Variants in DNAH2 observed in about 807,000 individuals in gnomAD.
The protein encoded by DNAH2 is dynein axonemal heavy chain 2, also known as axonemal beta dynein heavy chain 2.
Under a neutral mutation model 523.5 loss-of-function variants are expected in DNAH2, and 323 were observed. That is an observed-to-expected ratio of 0.62 (90% CI 0.56 to 0.68). The LOEUF (loss-of-function observed/expected upper bound fraction) is 0.68, where lower values mean the gene tolerates loss of function less well. DNAH2 is among the 30% of genes least tolerant of loss of function. The pLI is 0.00. For synonymous variants in DNAH2, 2,093 were observed against 2,177.4 expected (o/e 0.96, Z 1.08); for missense variants, 4,907 against 5,701.5 (o/e 0.86, Z 4.49).
At chr17:7,764,347 C>T (rs1465881010) in intron 20 of DNAH2, 74 bp downstream of exon 20, 19 of 1,526,528 alleles carry the variant, frequency 1.2e-5, no homozygotes, top group Non-Finnish European at 1.7e-5. Context: ...CTTGGCTGTC[C>T]TCGGGGAGAG....
intron 11 of DNAH2, 48 bp from the exon 12 acceptor site, chr17:7,742,880 G>GTATCATTAAAA: frequency 1.6e-6 from 2 of 1,271,338 alleles, no homozygotes; most frequent in Non-Finnish European, 1.0e-6. Context: ...GTGGCCCCTG[G>GTATCATTAAAA]AGGAAGGTGG....
rs778068486 is a variant in DNAH2 at position 7,793,203 on chromosome 17, C to T, written c.7567C>T (p.Arg2523Ter). The T allele has an allele frequency of 6.8e-6, 11 of 1,612,952 alleles. No homozygotes were observed. The highest frequency in any genetic ancestry group is 1.1e-5 in the South Asian group (1 of 91,024). Residue 2523 changes from arginine to a stop codon, truncating the protein, a stop_gained and splice_region_variant, in exon 48 of 86, where the codon CGA becomes TGA. Transcript: ENST00000572933. LOFTEE classifies it high-confidence loss of function. The stretch of plus-strand genomic sequence containing the variant: ...TACGAAGCAGACCATCAAGTACATT[C>T]GAGTAAGCCTCGCTAGAGTCTGTTC... ...DRTKQTIKYIREMFLMAAMGP... is the reference protein window; with the variant it reads ...DRTKQTIKYI
intron 77 of DNAH2, among the ~76,000 whole-genome samples, chr17:7,826,973 T>A (rs1001078358): frequency 1.3e-5 from 2 of 152,170 alleles, no homozygotes; most frequent in Non-Finnish European, 2.9e-5. Flanking sequence ...ATTTTCTTTA[T>A]AATGTTTTTC....
In DNAH2 at chr17:7,797,768, T is replaced by C; in HGVS notation, c.8169T>C (p.Tyr2723=). The C allele has an allele frequency of 3.1e-6, 5 of 1,614,088 alleles. No individual in the cohort carries two copies. Among genetic ancestry groups the C allele is most frequent in the Non-Finnish European group, 4.2e-6 (5 of 1,180,016 alleles). ...KTVMETALNE[Y]NLSPSVVPMQ... Reference sequence around the variant, plus strand: ...TCATGGAGACAGCTCTAAATGAGTATAACCTGTCACCCTCTGTCGTGCCCA... The same window carrying C: ...TCATGGAGACAGCTCTAAATGAGTACAACCTGTCACCCTCTGTCGTGCCCA... The change falls in exon 53 of 86, where the codon TAT becomes TAC. Residue 2723 remains tyrosine (Y), a synonymous_variant. Transcript: ENST00000572933.
rs573901860 is a variant in DNAH2 at position 7,798,001 on chromosome 17, A to C, written c.8231-156A>C. ...TTTAACAGAGAAGGTGGAGGTTAAAAGTTGAATTGCCTCCTGGGCCTTGGG... is the reference window on the plus strand; with the variant it reads ...TTTAACAGAGAAGGTGGAGGTTAAACGTTGAATTGCCTCCTGGGCCTTGGG... On this transcript the variant is annotated intron_variant, in intron 53 of 85. Coordinates refer to ENST00000572933, the MANE Select transcript of DNAH2 (RefSeq NM_020877.5). This position sits in a 1 kb window ranked among gnomAD's most constrained non-coding sequence, Gnocchi z 5.5. 2.6e-5 allele frequency among the ~76,000 whole-genome samples: 4 copies of C among 152,306 alleles called. No individual in the cohort carries two copies. Among genetic ancestry groups the C allele is most frequent in the Admixed American group, 2.6e-4 (4 of 15,292 alleles).
At position 7,797,811 on chromosome 17, in the gene DNAH2, C is replaced by T. The variant is rs1332489191; in HGVS notation, c.8212C>T (p.Arg2738Ter). The T allele has an allele frequency of 1.3e-5, 21 of 1,612,438 alleles. No individual in the cohort carries two copies. The highest frequency in any genetic ancestry group is 5.3e-5 in the African/African-American group (4 of 74,900). ...SVVPMQLVLFREAIEHITRIV... is the reference protein window; with the variant it reads ...SVVPMQLVLF ...CGTGCCCATGCAGCTAGTGCTCTTC[C>T]GAGAGGCTATTGAACACAGTGAGCA... The change falls in exon 53 of 86, where the codon CGA becomes TGA. Residue 2738 changes from arginine to a stop codon, truncating the protein, a stop_gained. Transcript: ENST00000572933. LOFTEE classifies it high-confidence loss of function.
intron 2 of DNAH2, among the ~76,000 whole-genome samples, chr17:7,722,964 CTT>C (rs559136734): frequency 0.046 from 5,196 of 114,096 alleles, 104 homozygotes; most frequent in African/African-American, 0.14. Context: ...CTTTTCTTTC[CTT>C]TTTTTTTTTT....
intron 10 of DNAH2, 51 bp downstream of exon 10, chr17:7,740,600 G>A (rs1252275741): frequency 6.2e-7 from 1 of 1,602,384 alleles, no homozygotes; most frequent in Non-Finnish European, 8.5e-7. Flanking sequence ...TGCTTTCCTG[G>A]AGTCCCTCCT....
intron 4 of DNAH2, 68 bp downstream of exon 4, chr17:7,727,360 C>A: frequency 6.4e-7 from 1 of 1,553,116 alleles, no homozygotes; most frequent in Non-Finnish European, 8.7e-7. Flanking sequence ...GTTCCTTCAT[C>A]ATCCTTAAGT....
At chr17:7,768,466 G>A (rs749769767) in intron 24 of DNAH2, among the ~76,000 whole-genome samples, 199 bp downstream of exon 24, 1 of 152,174 alleles carries the variant, frequency 6.6e-6, no homozygotes, top group African/African-American at 2.4e-5. Flanking sequence ...TTGGTGTACA[G>A]CATAATGTTT....
intron 14 of DNAH2, 60 bp downstream of exon 14, chr17:7,758,711 G>A (rs897479611): frequency 6.3e-7 from 1 of 1,575,162 alleles, no homozygotes; most frequent in African/African-American, 1.4e-5. Flanking sequence ...TTATACCTGA[G>A]TGTTGCATAG....
intron 11 of DNAH2, among the ~76,000 whole-genome samples, chr17:7,741,706 C>G (rs2034781207): frequency 6.7e-6 from 1 of 149,348 alleles, no homozygotes; most frequent in Admixed American, 6.8e-5. Context: ...CTCTTGTTGC[C>G]CAGGCTGGAG....
chr17:7,820,186 C>T (rs552796320), intron 72 of DNAH2, among the ~76,000 whole-genome samples: 4 of 152,266 alleles, frequency 2.6e-5, no homozygotes, highest in East Asian at 1.9e-4. Context: ...TGCAACTGTT[C>T]CCTCCCCATC....
rs148588175 is a variant in DNAH2 at position 7,796,487 on chromosome 17, C to T, written c.7698C>T (p.Phe2566=). Residue 2566 remains phenylalanine, a synonymous_variant, in exon 50 of 86, where the codon TTC becomes TTT. Transcript: ENST00000572933. ...FPTKSQIIRI[F]GTMINQKLQD... The stretch of plus-strand genomic sequence containing the variant: ...AGAAGTCCCAGATCATCCGCATATT[C>T]GGCACCATGATCAATCAGAAGCTTC... 5.1e-5 allele frequency: 82 copies of T among 1,613,740 alleles called. No individual in the cohort carries two copies. The African/African-American group carries it at 8.7e-4, about 17-fold the overall frequency.
chr17:7,802,717 G>C (rs916472453), intron 58 of DNAH2, among the ~76,000 whole-genome samples: 5 of 151,912 alleles, frequency 3.3e-5, no homozygotes, highest in Admixed American at 1.3e-4. Context: ...AGGCTGGAGT[G>C]CAGTGGCGCA....
intron 77 of DNAH2, 128 bp downstream of exon 77, chr17:7,824,855 C>A: frequency 2.5e-6 from 2 of 809,698 alleles, no homozygotes; most frequent in East Asian, 3.0e-5. Context: ...CACCTCATTC[C>A]TCTCCTGTTT....
At chr17:7,789,733 C>T (rs1470597504) in intron 44 of DNAH2, among the ~76,000 whole-genome samples, 2 of 152,074 alleles carry the variant, frequency 1.3e-5, no homozygotes, top group Non-Finnish European at 2.9e-5. Context: ...CCTGCCACCA[C>T]ACCCAGCTAA....
chr17:7,720,034 C>T (rs1217037435), intron 2 of DNAH2, 134 bp downstream of exon 2: 2 of 1,106,006 alleles, frequency 1.8e-6, no homozygotes, highest in Non-Finnish European at 2.5e-6. Context: ...ACGCCCCCAG[C>T]CATGGAGGTT....
intron 8 of DNAH2, 83 bp from the exon 9 acceptor site, chr17:7,739,650 A>G: frequency 8.2e-7 from 1 of 1,224,590 alleles, no homozygotes; most frequent in Non-Finnish European, 1.1e-6. Flanking sequence ...TGATGTTTTT[A>G]GACATTTGAA....
Sources: gnomAD v4.1 joint callset for allele counts (sites outside exome capture counted in the v4.1 genomes callset) on GRCh38, gnomAD v4.1.1 for gene constraint, Gnocchi (gnomAD v3.1) non-coding constraint, MANE v1.5 for transcripts, NCBI Gene and HGNC (gene_info 2026-07-23, HGNC 2026-07-21) for gene names.